Variants in FAF1 observed in about 807,000 individuals in gnomAD.
FAF1 encodes Fas associated factor 1.
A neutral mutation model predicts 92.5 loss-of-function variants in FAF1; 25 were observed. The observed-to-expected ratio is 0.27, with a 90% CI of 0.20 to 0.38. The LOEUF (loss-of-function observed/expected upper bound fraction) is 0.38. FAF1 is among the 10% of genes least tolerant of loss of function. The pLI is 1.00. For missense variants in FAF1, 636 were observed against 793.3 expected, an observed-to-expected ratio of 0.80 and a Z score of 2.38; for synonymous variants, 234 against 273.2, an observed-to-expected ratio of 0.86 and a Z score of 1.42.
chr1:50,664,665 GC>G (rs1159953962), intron 7 of FAF1, among the ~76,000 whole-genome samples: 2 of 152,144 alleles, frequency 1.3e-5, no homozygotes, highest in East Asian at 3.9e-4. Context: ...ATGGTGGCGG[GC>G]GCCTGTAGTC....
rs552349049 is a variant in FAF1 at position 50,848,473 on chromosome 1, T to C, written c.114+9456A>G. On this transcript the variant is annotated intron_variant, in intron 2 of 18. Transcript: ENST00000396153. ...ATGTCAATGGAGAATAAAAAATTCA[T>C]TGGCAAAAGTTTAATAAGAAACAGG... Among the ~76,000 whole-genome samples the C allele has an allele frequency of 1.2e-4, 19 of 152,340 alleles. No individual in the cohort carries two copies. In the East Asian group the frequency reaches 2.3e-3, roughly 19 times the overall value.
intron 2 of FAF1, among the ~76,000 whole-genome samples, chr1:50,837,528 T>A (rs998150293): frequency 1.9e-4 from 29 of 152,232 alleles, no homozygotes; most frequent in Non-Finnish European, 3.8e-4. Flanking sequence ...TATTTTTAAA[T>A]GTTGATTTGA....
chr1:50,738,941 G>C lies in FAF1; in HGVS notation c.473C>G (p.Ser158Cys), dbSNP rs753885809. 6.2e-7 allele frequency: 1 copy of C among 1,602,112 alleles called. No homozygotes were observed. Among genetic ancestry groups the C allele is most frequent in the Non-Finnish European group, 8.5e-7 (1 of 1,172,784 alleles). Reference sequence around the variant, plus strand: ...ACTGTTGTTTTTTGGCAAGTGTAGAGATTTTAGGACCGTCTGAAAAAGAAA... The same window carrying C: ...ACTGTTGTTTTTTGGCAAGTGTAGACATTTTAGGACCGTCTGAAAAAGAAA... ...GDVEDSTVLK[S>C]LHLPKNNSLY... The change falls in exon 6 of 19, where the codon TCT becomes TGT. Residue 158 changes from serine to cysteine, a missense_variant. Ser to Cys is a moderately radical substitution (Grantham distance 112). Transcript: ENST00000396153.
In FAF1 at chr1:50,787,576, A is replaced by T. The variant is rs535430288; in HGVS notation, c.367+424T>A. On this transcript the variant is annotated intron_variant, in intron 4 of 18. Coordinates refer to ENST00000396153, the MANE Select transcript of FAF1 (RefSeq NM_007051.3). Reference sequence around the variant, plus strand: ...AATCTTAGACTTCTTAGCCTCCAGAAATGTGAGAAAATAAATTTCTGTTCC... The same window carrying T: ...AATCTTAGACTTCTTAGCCTCCAGATATGTGAGAAAATAAATTTCTGTTCC... Among the ~76,000 whole-genome samples, 3 of 152,306 alleles carry T rather than the reference A, an allele frequency of 2.0e-5. No individual in the cohort carries two copies. In the East Asian group the frequency reaches 5.8e-4, roughly 29 times the overall value.
At chr1:50,665,771 A>C (rs2124325183) in intron 7 of FAF1, among the ~76,000 whole-genome samples, 1 of 152,318 alleles carries the variant, frequency 6.6e-6, no homozygotes, top group East Asian at 1.9e-4. Context: ...GTTATATAAA[A>C]AGTTGTTACG....
intron 1 of FAF1, among the ~76,000 whole-genome samples, chr1:50,864,053 C>T (rs2124672999): frequency 6.6e-6 from 1 of 151,656 alleles, no homozygotes; most frequent in Non-Finnish European, 1.5e-5. Flanking sequence ...GGTGATATCC[C>T]CTTTATCATT....
chr1:50,913,610 T>G (rs2124724820), intron 1 of FAF1, among the ~76,000 whole-genome samples: 1 of 152,308 alleles, frequency 6.6e-6, no homozygotes, highest in Non-Finnish European at 1.5e-5. Context: ...CAGCAGATAA[T>G]TATCAATCAA....
intron 2 of FAF1, among the ~76,000 whole-genome samples, chr1:50,840,677 C>T (rs1340553805): frequency 6.6e-6 from 1 of 151,976 alleles, no homozygotes; most frequent in Non-Finnish European, 1.5e-5. Flanking sequence ...GCAAAGACCA[C>T]ACTGTTATCT....
intron 2 of FAF1, among the ~76,000 whole-genome samples, chr1:50,826,774 C>CT (rs1239849519): frequency 6.6e-6 from 1 of 152,042 alleles, no homozygotes; most frequent in Non-Finnish European, 1.5e-5. Flanking sequence ...AAAATACAAC[C>CT]TGTGAAGACA....
At position 50,701,415 on chromosome 1, in the gene FAF1, C is replaced by G. The variant is rs571041581; in HGVS notation, c.657+4371G>C. On this transcript the variant is annotated intron_variant, in intron 7 of 18. Coordinates refer to ENST00000396153, the MANE Select transcript of FAF1 (RefSeq NM_007051.3). ...AAACAAACAAACCAAAAAAAACACC[C>G]AATACTTTAAAACATTTACAGAAAG... 2.0e-5 allele frequency among the ~76,000 whole-genome samples: 3 copies of G among 152,054 alleles called. No individual in the cohort carries two copies. The South Asian group carries it at 6.2e-4, about 32-fold the overall frequency.
intron 18 of FAF1, among the ~76,000 whole-genome samples, chr1:50,457,865 CAAA>C (rs78520067): frequency 1.0e-4 from 6 of 59,436 alleles, no homozygotes; most frequent in African/African-American, 2.5e-4. Context: ...ACCCTGTCTC[CAAA>C]AAAAAAAAAA....
At chr1:50,572,258 T>G (rs1650479298) in intron 12 of FAF1, among the ~76,000 whole-genome samples, 2 of 152,224 alleles carry the variant, frequency 1.3e-5, no homozygotes, top group Admixed American at 1.3e-4. Flanking sequence ...CTTTTAATAC[T>G]TCCCTGAAAC....
chr1:50,874,699 AG>A (rs1166791839), intron 1 of FAF1, among the ~76,000 whole-genome samples: 2 of 151,668 alleles, frequency 1.3e-5, no homozygotes, highest in Non-Finnish European at 2.9e-5. Context: ...TAAAAAAGTC[AG>A]AAATGTTTAT....
At chr1:50,606,061 T>C (rs560684135) in intron 8 of FAF1, among the ~76,000 whole-genome samples, 1 of 152,288 alleles carries the variant, frequency 6.6e-6, no homozygotes, top group South Asian at 2.1e-4. Context: ...TGAAAAAATA[T>C]GTAGCATAGT....
At chr1:50,638,858 C>G (rs1165090368) in intron 8 of FAF1, among the ~76,000 whole-genome samples, 1 of 152,202 alleles carries the variant, frequency 6.6e-6, no homozygotes, top group Non-Finnish European at 1.5e-5. Flanking sequence ...TTATGAAAGA[C>G]TCATTTACAT....
At chr1:50,798,925 G>T (rs1447208516) in intron 3 of FAF1, among the ~76,000 whole-genome samples, 3 of 152,006 alleles carry the variant, frequency 2.0e-5, no homozygotes, top group African/African-American at 7.3e-5. Flanking sequence ...TGTCACCTAG[G>T]CTGGAGTGCA....
intron 4 of FAF1, among the ~76,000 whole-genome samples, chr1:50,776,422 T>C (rs553808944): frequency 1.1e-4 from 16 of 152,220 alleles, no homozygotes; most frequent in Non-Finnish European, 1.9e-4. Context: ...CAGAGAATCA[T>C]GTTATATGGT....
At chr1:50,958,159 A>C (rs536918297) in intron 1 of FAF1, among the ~76,000 whole-genome samples, 1 of 152,218 alleles carries the variant, frequency 6.6e-6, no homozygotes, top group African/African-American at 2.4e-5. Context: ...TTAATTGAAA[A>C]ATTTTTTAAA....
At chr1:50,578,077 C>T (rs1650833086) in intron 12 of FAF1, among the ~76,000 whole-genome samples, 1 of 152,170 alleles carries the variant, frequency 6.6e-6, no homozygotes, top group Non-Finnish European at 1.5e-5. Flanking sequence ...GATGAAGCTC[C>T]CCAAATCCTT....
Sources: allele counts gnomAD v4.1 joint callset (sites outside exome capture counted in the v4.1 genomes callset), GRCh38; gene constraint gnomAD v4.1.1; transcripts MANE v1.5; gene names NCBI Gene and HGNC (gene_info 2026-07-23, HGNC 2026-07-21).